SNRPE: variants seen among roughly 807,000 people sequenced by gnomAD.
SNRPE encodes small nuclear ribonucleoprotein E.
For synonymous variants in SNRPE, 35 were observed against 36.7 expected (o/e 0.95, Z 0.17); for missense variants, 53 against 111.6 (o/e 0.48, Z 2.36).
At chr1:203,861,800 G>A (rs1337463642) in intron 1 of SNRPE, 87 bp downstream of exon 1, 1 of 1,009,828 alleles carries the variant, frequency 9.9e-7, no homozygotes, top group African/African-American at 1.6e-5. Flanking sequence ...CTGGGATAGT[G>A]GAGTACGGAT....
intron 1 of SNRPE, 143 bp downstream of exon 1, chr1:203,861,856 C>G (rs922685259): frequency 2.8e-6 from 2 of 722,832 alleles, no homozygotes; most frequent in Non-Finnish European, 5.0e-6. Flanking sequence ...GAAGAAAGCG[C>G]GGGTAGTTGA....
At chr1:203,862,809 C>T (rs16852406) in intron 2 of SNRPE, among the ~76,000 whole-genome samples, 2,247 of 152,208 alleles carry the variant, frequency 0.015, 52 homozygotes, top group African/African-American at 0.051. Flanking sequence ...GAATTGAGGG[C>T]TCCTGTCCTA....
chr1:203,869,106 C>T (rs1461343476), intron 4 of SNRPE, among the ~76,000 whole-genome samples: 1 of 152,116 alleles, frequency 6.6e-6, no homozygotes, highest in African/African-American at 2.4e-5. Context: ...TTATTAATAC[C>T]TGCAGAAGCC....
Position 203,861,828 on chromosome 1 carries a change from C to G in SNRPE, c.54+115C>G, listed in dbSNP as rs1006190870. 7 of 829,384 alleles carry G rather than the reference C, an allele frequency of 8.4e-6. No individual in the cohort carries two copies. The Admixed American group carries it at 9.4e-5, about 11-fold the overall frequency. 51.4% of individuals were successfully genotyped at this position (829,384 alleles called of 1,614,324 possible). A position where few individuals can be genotyped will look rare whatever the true frequency, so the allele number is the denominator to read the frequency against. The stretch of plus-strand genomic sequence containing the variant: ...GTACGGATCCACATCCCATGAGCCC[C>G]CGGGGCTACCAAGACTGGAAGAAAG... On this transcript the variant is annotated intron_variant, in intron 1 of 4. Transcript: ENST00000414487.
chr1:203,867,206 G>A (rs1462903238), intron 4 of SNRPE, among the ~76,000 whole-genome samples: 1 of 151,334 alleles, frequency 6.6e-6, no homozygotes. Flanking sequence ...CGCGAACCTG[G>A]GAGGCGGAGC....
intron 4 of SNRPE, among the ~76,000 whole-genome samples, chr1:203,867,550 C>G (rs999370442): frequency 6.6e-6 from 1 of 152,172 alleles, no homozygotes; most frequent in Non-Finnish European, 1.5e-5. Flanking sequence ...AGTGACAGAT[C>G]ATCAGGCATT....
intron 4 of SNRPE, among the ~76,000 whole-genome samples, chr1:203,869,358 G>A (rs561880365): frequency 1.8e-4 from 22 of 124,708 alleles, no homozygotes; most frequent in Middle Eastern, 5.9e-3. Context: ...CCAGGCTGGA[G>A]TGCAATGGTG....
Position 203,869,289 on chromosome 1 carries a change from CTTTTTTTTTTTTTTTTTTTT to C in SNRPE, c.224-573_224-554del, listed in dbSNP as rs564988259. On this transcript the variant is annotated intron_variant, in intron 4 of 4. Transcript: ENST00000414487. Reference sequence around the variant, plus strand: ...AGGTTTGTTTATTGTAGGATGGAGTCTTTTTTTTTTTTTTTTTTTTTTTTTTTTTTTTTTGGAGATGAATT... The same window carrying C: ...AGGTTTGTTTATTGTAGGATGGAGTCTTTTTTTTTTTTTTGGAGATGAATT... Among the ~76,000 whole-genome samples, 168 of 66,818 alleles carry C rather than the reference CTTTTTTTTTTTTTTTTTTTT, an allele frequency of 2.5e-3. 3 individuals are homozygous for C. The highest frequency in any genetic ancestry group is 9.5e-3 in the African/African-American group (158 of 16,638). The allele number at this position is 66,818 out of a possible 152,430, so 43.8% of individuals were successfully genotyped here.
chr1:203,865,608 G>C (rs1207818213), intron 4 of SNRPE, among the ~76,000 whole-genome samples: 1 of 152,160 alleles, frequency 6.6e-6, no homozygotes, highest in Non-Finnish European at 1.5e-5. Flanking sequence ...GTTCAGTTCA[G>C]TTCTAACACT....
intron 4 of SNRPE, 68 bp from the exon 5 acceptor site, chr1:203,869,809 C>A: frequency 1.8e-6 from 2 of 1,118,140 alleles, no homozygotes; most frequent in Admixed American, 2.3e-5. Flanking sequence ...AAACTGGATA[C>A]AAAATTCTGA....
At chr1:203,868,305 C>T (rs189664523) in intron 4 of SNRPE, among the ~76,000 whole-genome samples, 20 of 152,242 alleles carry the variant, frequency 1.3e-4, no homozygotes, top group African/African-American at 3.9e-4. Flanking sequence ...ATCCACCTGC[C>T]TCGGCCTCCC....
At chr1:203,865,002 T>G in intron 3 of SNRPE, 39 bp from the exon 4 acceptor site, 9 of 1,591,564 alleles carry the variant, frequency 5.7e-6, no homozygotes, top group Non-Finnish European at 6.8e-6. Flanking sequence ...GGTTTGAATG[T>G]GATTTTCTTT....
chr1:203,862,928 CT>C (rs1313924432), intron 2 of SNRPE, among the ~76,000 whole-genome samples: 4 of 152,040 alleles, frequency 2.6e-5, no homozygotes, highest in Non-Finnish European at 5.9e-5. Context: ...CTGTCAAAAA[CT>C]TTCACTCTTA....
intron 4 of SNRPE, among the ~76,000 whole-genome samples, chr1:203,866,202 A>G (rs948758812): frequency 3.9e-5 from 6 of 152,232 alleles, no homozygotes; most frequent in African/African-American, 7.2e-5. Flanking sequence ...CAAAAAGGCA[A>G]CATCTTAGAG....
At chr1:203,862,718 A>G (rs1558156056) in intron 2 of SNRPE, among the ~76,000 whole-genome samples, 2 of 152,322 alleles carry the variant, frequency 1.3e-5, no homozygotes, top group East Asian at 3.9e-4. Context: ...CTTTGAGGGA[A>G]ATTTTAGCAA....
chr1:203,868,390 C>G (rs1690137225), intron 4 of SNRPE, among the ~76,000 whole-genome samples: 1 of 152,126 alleles, frequency 6.6e-6, no homozygotes, highest in African/African-American at 2.4e-5. Context: ...AATGAATGGT[C>G]TTAGGATTCA....
chr1:203,870,134 A>T lies in SNRPE; in HGVS notation c.*202A>T. 1 of 466,194 alleles carries T rather than the reference A, an allele frequency of 2.1e-6. No individual in the cohort carries two copies. 28.9% of individuals were successfully genotyped at this position (466,194 alleles called of 1,614,324 possible). A position where few individuals can be genotyped will look rare whatever the true frequency, so the allele number is the denominator to read the frequency against. On this transcript the variant is annotated 3_prime_UTR_variant, in exon 5 of 5. Coordinates refer to ENST00000414487, the MANE Select transcript of SNRPE (RefSeq NM_003094.4). ...CAGTAGAAACTTTTTACACAGTAAC[A>T]CCATTCGTTGCTGGTATTTAGTTTT...
In SNRPE at chr1:203,865,062, C is replaced by T. The variant is rs778860513; in HGVS notation, c.166C>T (p.Leu56Phe). ...CIIGFDEYMNLVLDDAEEIHS... is the reference protein window; with the variant it reads ...CIIGFDEYMNFVLDDAEEIHS... ...CTAGGGTTTTGATGAGTATATGAAC[C>T]TTGTATTAGATGATGCAGAAGAGAT... is the stretch of plus-strand genomic sequence containing the variant. Residue 56 changes from leucine to phenylalanine, a missense_variant, in exon 4 of 5, where the codon CTT becomes TTT. Physicochemically the swap from Leu to Phe is conservative, Grantham distance 22 (BLOSUM62 0). Transcript: ENST00000414487. 6.2e-7 allele frequency: 1 copy of T among 1,612,200 alleles called. No individual in the cohort carries two copies.
intron 4 of SNRPE, among the ~76,000 whole-genome samples, chr1:203,865,506 A>G (rs1690068423): frequency 6.6e-6 from 1 of 152,216 alleles, no homozygotes; most frequent in African/African-American, 2.4e-5. Context: ...TAATTAACAC[A>G]GAAGACTTCT....
Sources: gnomAD v4.1 joint callset for allele counts (sites outside exome capture counted in the v4.1 genomes callset) on GRCh38, gnomAD v4.1.1 for gene constraint, MANE v1.5 for transcripts, NCBI Gene and HGNC (gene_info 2026-07-23, HGNC 2026-07-21) for gene names.